The following PPP6R3 variants were observed in gnomAD, a reference collection of about 807,000 sequenced individuals.
PPP6R3 encodes the protein protein phosphatase 6 regulatory subunit 3.
In PPP6R3, 38 loss-of-function variants were observed where a neutral mutation model predicts 110.7. The observed-to-expected ratio is 0.34, with a 90% CI of 0.26 to 0.45. The LOEUF (loss-of-function observed/expected upper bound fraction) is 0.45. Ranked by LOEUF, PPP6R3 falls within the 20% of genes least tolerant of loss-of-function variation. The pLI is 1.00. For missense variants in PPP6R3, 870 were observed against 1,062.4 expected (o/e 0.82, Z 2.52); for synonymous variants, 369 against 373.5 (o/e 0.99, Z 0.14).
At chr11:68,497,775 A>G (rs1565427416) in intron 1 of PPP6R3, among the ~76,000 whole-genome samples, 1 of 152,188 alleles carries the variant, frequency 6.6e-6, no homozygotes, top group Non-Finnish European at 1.5e-5. Flanking sequence ...AGTGCAATTT[A>G]TCTTATTTTT....
intron 23 of PPP6R3, among the ~76,000 whole-genome samples, chr11:68,611,347 C>G (rs1943305538): frequency 6.6e-6 from 1 of 152,214 alleles, no homozygotes; most frequent in Non-Finnish European, 1.5e-5. Flanking sequence ...CTTGGTTTCT[C>G]TGTCATAAGG....
intron 23 of PPP6R3, among the ~76,000 whole-genome samples, chr11:68,611,253 A>G (rs931849970): frequency 6.6e-6 from 1 of 152,066 alleles, no homozygotes. Context: ...ATTTCTACCT[A>G]TAAATTTCCT....
chr11:68,499,932 G>A (rs1026835825), intron 1 of PPP6R3, among the ~76,000 whole-genome samples: 1 of 152,178 alleles, frequency 6.6e-6, no homozygotes. Context: ...GGCATCTCTT[G>A]TCAGATGTAT....
chr11:68,519,681 CT>C (rs2153570952), intron 2 of PPP6R3, 30 bp downstream of exon 2: 1 of 398,362 alleles, frequency 2.5e-6, no homozygotes, highest in Admixed American at 4.4e-5. Context: ...CAGGAGTTTC[CT>C]TCCATTAATG....
At chr11:68,592,973 CCTGATACCCAGAGGGAACA>C (rs2099600127) in intron 18 of PPP6R3, among the ~76,000 whole-genome samples, 1 of 152,120 alleles carries the variant, frequency 6.6e-6, no homozygotes, top group South Asian at 2.1e-4. Flanking sequence ...GGAGATGGCA[CCTGATACCCAGAGGGAACA>C]CTGATGACAG....
At chr11:68,493,606 AAAAC>A (rs1446629199) in intron 1 of PPP6R3, among the ~76,000 whole-genome samples, 6 of 124,524 alleles carry the variant, frequency 4.8e-5, no homozygotes, top group Admixed American at 9.0e-5. Flanking sequence ...GTAAAAAAAA[AAAAC>A]AAAACCATAT....
chr11:68,485,290 T>TC (rs146346672), intron 1 of PPP6R3, among the ~76,000 whole-genome samples: 29,997 of 145,328 alleles, frequency 0.21, 2,741 homozygotes, highest in Middle Eastern at 0.29. Context: ...TTTTTTTTTT[T>TC]TTCAATTCCT....
chr11:68,515,573 G>T (rs2099132383), intron 1 of PPP6R3, among the ~76,000 whole-genome samples: 1 of 152,206 alleles, frequency 6.6e-6, no homozygotes, highest in African/African-American at 2.4e-5. Context: ...TCAATAATTA[G>T]AATCCACTGC....
At chr11:68,466,041 ACT>A (rs1465847533) in intron 1 of PPP6R3, among the ~76,000 whole-genome samples, 11 of 151,978 alleles carry the variant, frequency 7.2e-5, no homozygotes, top group African/African-American at 2.7e-4. Flanking sequence ...TCAGACACTG[ACT>A]CTCTGGTTCC....
In PPP6R3 at chr11:68,613,694, A is replaced by AATTG. The variant is rs1944556605; in HGVS notation, c.*578_*581dup. 18 of 983,406 alleles carry AATTG rather than the reference A, an allele frequency of 1.8e-5. No homozygotes were observed. The highest frequency in any genetic ancestry group is 2.2e-5 in the Non-Finnish European group (18 of 827,722). 60.9% of individuals were successfully genotyped at this position (983,406 alleles called of 1,614,324 possible). A position where few individuals can be genotyped will look rare whatever the true frequency, so the allele number is the denominator to read the frequency against. ...TTTTTATAACCAGTTTTTGATTGGT[A>AATTG]ATTGTTTTCTGTATTGTTTAAAACG... On this transcript the variant is annotated 3_prime_UTR_variant, in exon 24 of 24. Transcript: ENST00000393800.
intron 13 of PPP6R3, among the ~76,000 whole-genome samples, chr11:68,574,800 A>T (rs2099524104): frequency 6.6e-6 from 1 of 152,220 alleles, no homozygotes; most frequent in Non-Finnish European, 1.5e-5. Flanking sequence ...CCAAGCCATG[A>T]GCCTTCTTCT....
At chr11:68,607,088 A>G (rs543576761) in intron 22 of PPP6R3, among the ~76,000 whole-genome samples, 12 of 152,356 alleles carry the variant, frequency 7.9e-5, no homozygotes, top group Admixed American at 6.5e-4. Flanking sequence ...CTGCAGAGAC[A>G]TCTGCCATCC....
chr11:68,535,651 G>A (rs1429950089), intron 2 of PPP6R3: 1 of 151,874 alleles, frequency 6.6e-6, no homozygotes, highest in African/African-American at 2.4e-5. Context: ...TCCTTAAGGA[G>A]CTTTTGGAAG....
intron 4 of PPP6R3, among the ~76,000 whole-genome samples, chr11:68,547,083 T>A (rs983886055): frequency 2.6e-5 from 4 of 152,212 alleles, no homozygotes; most frequent in Admixed American, 6.5e-5. Context: ...TAGTTGTCAT[T>A]TCTGGCTATT....
At chr11:68,482,922 A>G (rs763024373) in intron 1 of PPP6R3, among the ~76,000 whole-genome samples, 8 of 152,116 alleles carry the variant, frequency 5.3e-5, no homozygotes, top group Non-Finnish European at 1.0e-4. Context: ...CCCATGTAGT[A>G]CTAATAGGTC....
intron 1 of PPP6R3, among the ~76,000 whole-genome samples, chr11:68,499,331 A>G (rs181415086): frequency 1.4e-3 from 219 of 152,250 alleles, no homozygotes; most frequent in Non-Finnish European, 2.5e-3. Context: ...GCTCATTTAC[A>G]TGCCTGGCAA....
intron 10 of PPP6R3, among the ~76,000 whole-genome samples, 196 bp downstream of exon 10, chr11:68,567,362 G>A (rs1410289272): frequency 1.3e-5 from 2 of 152,180 alleles, no homozygotes; most frequent in Admixed American, 6.5e-5. Flanking sequence ...GGCATCTACT[G>A]TTGCTTTATA....
intron 1 of PPP6R3, among the ~76,000 whole-genome samples, chr11:68,476,838 A>G (rs968252061): frequency 4.7e-4 from 72 of 151,798 alleles, no homozygotes; most frequent in African/African-American, 1.7e-3. Context: ...CCTGGACAAC[A>G]TAGTGAGACC....
At position 68,614,943 on chromosome 11, in the gene PPP6R3, T is replaced by C. The variant is rs1322710390; in HGVS notation, c.*1826T>C. ...CATGGCCAGGGTTTGGCTCCACTGG[T>C]GGCACACGTGGCCTCCGTGGTATGG... On this transcript the variant is annotated 3_prime_UTR_variant, in exon 24 of 24. Transcript: ENST00000393800. The C allele has an allele frequency of 3.2e-6, 2 of 634,558 alleles. No individual in the cohort carries two copies. 39.3% of individuals were successfully genotyped at this position (634,558 alleles called of 1,614,324 possible).
Sources: allele counts gnomAD v4.1 joint callset (sites outside exome capture counted in the v4.1 genomes callset), GRCh38; gene constraint gnomAD v4.1.1; transcripts MANE v1.5; gene names NCBI Gene and HGNC (gene_info 2026-07-23, HGNC 2026-07-21).